Variants in ATP8B3 observed in about 807,000 individuals in gnomAD.
ATP8B3 encodes phospholipid-transporting ATPase IK.
Under a neutral mutation model 140.9 loss-of-function variants are expected in ATP8B3, and 141 were observed. The ratio of observed to expected loss-of-function variants is 1.00; its 90% confidence interval spans 0.87 to 1.15. The LOEUF (loss-of-function observed/expected upper bound fraction) is 1.15, where lower values mean the gene tolerates loss of function less well. Among genes scored for constraint, ATP8B3 ranks in the 50% most tolerant of loss-of-function variants. The pLI, the probability that ATP8B3 is intolerant of heterozygous loss-of-function variation, is 0.00. For missense variants in ATP8B3, 1,874 were observed against 1,740.6 expected, an observed-to-expected ratio of 1.08 and a Z score of -1.36; for synonymous variants, 765 against 714.6, an observed-to-expected ratio of 1.07 and a Z score of -1.13.
Position 1,801,978 on chromosome 19 carries a change from A to G in ATP8B3, c.1130T>C (p.Leu377Pro). 1 of 1,612,638 alleles carries G rather than the reference A, an allele frequency of 6.2e-7. No individual in the cohort carries two copies. The highest frequency in any genetic ancestry group is 8.5e-7 in the Non-Finnish European group (1 of 1,179,624). Reference protein sequence around the residue: ...IHLKRTKLDLLMNKLVVVIFI... With the variant: ...IHLKRTKLDLPMNKLVVVIFI... ...CACCACAACCACCAGCTTGTTCATCAGGAGGTCCAGCTTGGTTCTCTTCAA... is the reference window on the plus strand; with the variant it reads ...CACCACAACCACCAGCTTGTTCATCGGGAGGTCCAGCTTGGTTCTCTTCAA... The change falls in exon 12 of 29, where the codon CTG becomes CCG. Residue 377 changes from leucine (L) to proline (P), a missense_variant. Physicochemically the swap from Leu to Pro is moderately conservative, Grantham distance 98 (BLOSUM62 -3). This residue lies in a region of ATP8B3 where 1,032 missense variants were observed against 963.6 expected (regional missense o/e 1.07). Transcript: ENST00000310127.
intron 20 of ATP8B3, 144 bp from the exon 21 acceptor site, chr19:1,790,976 A>G (rs747518014): frequency 1.4e-6 from 1 of 709,492 alleles, no homozygotes; most frequent in Non-Finnish European, 2.3e-6. Flanking sequence ...GGTTCAGAGA[A>G]GGGCTTGTAA....
rs764499068 is a variant in ATP8B3 at position 1,809,596 on chromosome 19, C to T, written c.402+47G>A. 7 of 1,513,786 alleles carry T rather than the reference C, an allele frequency of 4.6e-6. No individual in the cohort carries two copies. In the African/African-American group the frequency reaches 8.2e-5, roughly 18 times the overall value. The allele number at this position is 1,513,786 out of a possible 1,614,324, so 93.8% of individuals were successfully genotyped here. A position where few individuals can be genotyped will look rare whatever the true frequency, so the allele number is the denominator to read the frequency against. ...GCAAAAAATAGATTCCCCGAGGGTA[C>T]CACGGCAGCTCCTCTGGAGCAGGGA... On this transcript the variant is annotated intron_variant, in intron 4 of 28. Transcript: ENST00000310127.
chr19:1,795,993 G>A lies in ATP8B3; in HGVS notation c.1943-6C>T. On this transcript the variant is annotated splice_region_variant and splice_polypyrimidine_tract_variant and intron_variant, in intron 17 of 28. Transcript: ENST00000310127. ...GGCGCCCTCTGGCTTTCGAACTGTG[G>A]GGGAACAGGCCCTGCTGCCCACAGA... is the stretch of plus-strand genomic sequence containing the variant. 1.2e-6 allele frequency: 2 copies of A among 1,613,108 alleles called. No individual in the cohort carries two copies. The highest frequency in any genetic ancestry group is 3.3e-5 in the Admixed American group (2 of 60,004).
chr19:1,806,777 C>G lies in ATP8B3; in HGVS notation c.616-88G>C. 7.2e-7 allele frequency: 1 copy of G among 1,395,038 alleles called. No individual in the cohort carries two copies. The highest frequency in any genetic ancestry group is 2.5e-5 in the East Asian group (1 of 40,044). The allele number at this position is 1,395,038 out of a possible 1,614,324, so 86.4% of individuals were successfully genotyped here. On this transcript the variant is annotated intron_variant, in intron 6 of 28. Coordinates refer to ENST00000310127, the MANE Select transcript of ATP8B3 (RefSeq NM_138813.4). The surrounding 1 kb of genome is among the most constrained non-coding windows in gnomAD (Gnocchi z 5.6). ...TGCCGCACTGCAGCCCAGCAGTGCC[C>G]GCCCGCAACACGGGGTCCCTGTCCG...
chr19:1,792,195 C>G (rs2068534387), intron 18 of ATP8B3, 60 bp from the exon 19 acceptor site: 4 of 1,473,666 alleles, frequency 2.7e-6, no homozygotes, highest in African/African-American at 2.8e-5. Context: ...AGGCTCAGCC[C>G]TCCCCAACCC....
In ATP8B3 at chr19:1,807,366, A is replaced by C. The variant is rs2069058742; in HGVS notation, c.517-100T>G. On this transcript the variant is annotated intron_variant, in intron 5 of 28. Transcript: ENST00000310127. This position sits in a 1 kb window ranked among gnomAD's most constrained non-coding sequence, Gnocchi z 5.9. ...AGCCCCGCACTCGACACCACGTGAC[A>C]CATCTGCTGGCCACCTTGACCGGGG... 1.1e-6 allele frequency: 1 copy of C among 935,404 alleles called. No individual in the cohort carries two copies. The highest frequency in any genetic ancestry group is 1.6e-5 in the African/African-American group (1 of 61,436). The allele number at this position is 935,404 out of a possible 1,614,324, so 57.9% of individuals were successfully genotyped here. A position where few individuals can be genotyped will look rare whatever the true frequency, so the allele number is the denominator to read the frequency against.
chr19:1,808,280 A>T lies in ATP8B3; in HGVS notation c.458T>A (p.Leu153Gln). 1 of 1,613,240 alleles carries T rather than the reference A, an allele frequency of 6.2e-7. No individual in the cohort carries two copies. The highest frequency in any genetic ancestry group is 2.2e-5 in the East Asian group (1 of 44,880). Residue 153 changes from leucine to glutamine, a missense_variant, in exon 5 of 29, where the codon CTG (leucine) becomes CAG (glutamine). Leu to Gln is a moderately radical substitution (Grantham distance 113). Around this residue, in one of 3 missense-constraint regions of ATP8B3, gnomAD observed 1,032 missense variants for 963.6 expected, o/e 1.07. Coordinates refer to ENST00000310127, the MANE Select transcript of ATP8B3 (RefSeq NM_138813.4). ...YNFYSFLPLNLYEQFHRVSNL... is the reference protein window; with the variant it reads ...YNFYSFLPLNQYEQFHRVSNL... Reference sequence around the variant, plus strand: ...GGACACGCGGTGGAACTGCTCGTACAGGTTCAGCGGCAGGAACGAGTAGAA... The same window carrying T: ...GGACACGCGGTGGAACTGCTCGTACTGGTTCAGCGGCAGGAACGAGTAGAA...
intron 18 of ATP8B3, 26 bp downstream of exon 18, chr19:1,795,838 CACACACACATA>C (rs2068649738): frequency 1.6e-6 from 2 of 1,289,588 alleles, no homozygotes; most frequent in African/African-American, 3.2e-5. Context: ...CACACACACA[CACACACACATA>C]AGCCAGCCTT....
chr19:1,798,532 A>T (rs1188852109), intron 14 of ATP8B3, among the ~76,000 whole-genome samples: 9 of 151,798 alleles, frequency 5.9e-5, no homozygotes, highest in Non-Finnish European at 8.8e-5. Flanking sequence ...AGGTCAGGAG[A>T]TCGAGACCAT....
At chr19:1,789,847 C>A in intron 22 of ATP8B3, 43 bp downstream of exon 22, 1 of 1,604,938 alleles carries the variant, frequency 6.2e-7, no homozygotes, top group Non-Finnish European at 8.5e-7. Flanking sequence ...CCAGGCCCCT[C>A]CCTGGCGCCG....
At position 1,807,220 on chromosome 19, in the gene ATP8B3, G is replaced by C. The variant is rs765326628; in HGVS notation, c.563C>G (p.Pro188Arg). The C allele has an allele frequency of 2.0e-5, 32 of 1,612,968 alleles. No individual in the cohort carries two copies. The South Asian group carries it at 3.5e-4, about 18-fold the overall frequency. Residue 188 changes from proline (P) to arginine (R), a missense_variant, in exon 6 of 29, where the codon CCT (proline) becomes CGT (arginine). Physicochemically the swap from Pro to Arg is moderately radical, Grantham distance 103 (BLOSUM62 -2). Transcript: ENST00000310127. The surrounding 1 kb of genome is among the most constrained non-coding windows in gnomAD (Gnocchi z 5.9). ...STLPWFSLSTPMVCLLFIRAT... is the reference protein window; with the variant it reads ...STLPWFSLSTRMVCLLFIRAT... ...ACGGATGAAGAGGAGGCAGACCATAGGGGTACTGAGCGAGAACCAGGGCAG... is the reference window on the plus strand; with the variant it reads ...ACGGATGAAGAGGAGGCAGACCATACGGGTACTGAGCGAGAACCAGGGCAG...
At chr19:1,786,938 A>G (rs2068324564) in intron 25 of ATP8B3, among the ~76,000 whole-genome samples, 165 bp downstream of exon 25, 1 of 151,980 alleles carries the variant, frequency 6.6e-6, no homozygotes, top group Non-Finnish European at 1.5e-5. Flanking sequence ...CCGGTGGGAG[A>G]AGGTCAATGG....
chr19:1,801,774 T>C (rs769833792), intron 12 of ATP8B3, among the ~76,000 whole-genome samples, 182 bp downstream of exon 12: 1 of 151,916 alleles, frequency 6.6e-6, no homozygotes, highest in Non-Finnish European at 1.5e-5. Context: ...AATACATAAT[T>C]ATTATTATTT....
chr19:1,802,282 C>T (rs1367850747), intron 11 of ATP8B3, among the ~76,000 whole-genome samples: 4 of 27,358 alleles, frequency 1.5e-4, no homozygotes, highest in African/African-American at 9.3e-4. Context: ...CCCACCCACC[C>T]ACCCATCCCC....
rs1382197357 is a variant in ATP8B3 at position 1,805,086 on chromosome 19, C to T, written c.904+288G>A. On this transcript the variant is annotated intron_variant, in intron 10 of 28. Transcript: ENST00000310127. The surrounding 1 kb of genome is among the most constrained non-coding windows in gnomAD (Gnocchi z 5.2). ...GCCTCCCTGAGCTCAAGCGAGCCTCCCACCTCAGCCTCCCAAGTAGCTGGG... is the reference window on the plus strand; with the variant it reads ...GCCTCCCTGAGCTCAAGCGAGCCTCTCACCTCAGCCTCCCAAGTAGCTGGG... 2.4e-6 allele frequency: 1 copy of T among 423,772 alleles called. No individual in the cohort carries two copies. Among genetic ancestry groups the T allele is most frequent in the African/African-American group, 2.0e-5 (1 of 49,296 alleles). The allele number at this position is 423,772 out of a possible 1,614,324, so 26.3% of individuals were successfully genotyped here. A position where few individuals can be genotyped will look rare whatever the true frequency, so the allele number is the denominator to read the frequency against.
At position 1,806,306 on chromosome 19, in the gene ATP8B3, T is replaced by C. The variant is rs1455212598; in HGVS notation, c.678-137A>G. 2.7e-6 allele frequency: 4 copies of C among 1,480,554 alleles called. No individual in the cohort carries two copies. The African/African-American group carries it at 5.6e-5, about 21-fold the overall frequency. 91.7% of individuals were successfully genotyped at this position (1,480,554 alleles called of 1,614,324 possible). On this transcript the variant is annotated intron_variant, in intron 7 of 28. Coordinates refer to ENST00000310127, the MANE Select transcript of ATP8B3 (RefSeq NM_138813.4). This position sits in a 1 kb window ranked among gnomAD's most constrained non-coding sequence, Gnocchi z 5.6. ...GGGCCTTTGCCCCCTCAGGAAGCCT[T>C]CCCCGGGCTCCCACCCCACTCCCCG...
At position 1,807,628 on chromosome 19, in the gene ATP8B3, C is replaced by T. The variant is rs1362349818; in HGVS notation, c.517-362G>A. Among the ~76,000 whole-genome samples, 1 of 152,148 alleles carries T rather than the reference C, an allele frequency of 6.6e-6. No homozygotes were observed. The highest frequency in any genetic ancestry group is 1.5e-5 in the Non-Finnish European group (1 of 67,964). On this transcript the variant is annotated intron_variant, in intron 5 of 28. Transcript: ENST00000310127. The surrounding 1 kb of genome is among the most constrained non-coding windows in gnomAD (Gnocchi z 5.9). ...GGTCACCCTGCAGGTGTGAGCTCCACCATCCCCTACCCTGGCACCCGGCCA... is the reference window on the plus strand; with the variant it reads ...GGTCACCCTGCAGGTGTGAGCTCCATCATCCCCTACCCTGGCACCCGGCCA...
Position 1,789,590 on chromosome 19 carries a change from C to A in ATP8B3, c.2616G>T (p.Arg872Ser), listed in dbSNP as rs1438593826. ...GCGGTGCAGCCAGCGGGAGCCCGAA[C>A]CTCCGGCACAGCAGGGACAGGCGCC... ...YARRLSLLCRRFGLPLAAPPA... is the reference protein window; with the variant it reads ...YARRLSLLCRSFGLPLAAPPA... The change falls in exon 23 of 29, where the codon AGG (arginine) becomes AGT (serine). Residue 872 changes from arginine to serine, a missense_variant. Around this residue, in one of 3 missense-constraint regions of ATP8B3, gnomAD observed 840 missense variants for 760.9 expected, o/e 1.10. Coordinates refer to ENST00000310127, the MANE Select transcript of ATP8B3 (RefSeq NM_138813.4). The A allele has an allele frequency of 5.6e-6, 9 of 1,593,684 alleles. No homozygotes were observed. The South Asian group carries it at 1.0e-4, about 18-fold the overall frequency.
At chr19:1,785,385 A>G (rs2068272270) in intron 26 of ATP8B3, 84 bp downstream of exon 26, 1 of 1,558,060 alleles carries the variant, frequency 6.4e-7, no homozygotes, top group East Asian at 2.3e-5. Flanking sequence ...GGCACCTGGC[A>G]ATGCCCCCAA....
Sources: gnomAD v4.1 joint callset for allele counts (sites outside exome capture counted in the v4.1 genomes callset) on GRCh38, gnomAD v4.1.1 for gene constraint, gnomAD v4.1.1 regional missense constraint, Gnocchi (gnomAD v3.1) non-coding constraint, MANE v1.5 for transcripts, NCBI Gene and HGNC (gene_info 2026-07-23, HGNC 2026-07-21) for gene names.